The following EPHA5 variants were observed in gnomAD, a reference collection of about 807,000 sequenced individuals.
The protein encoded by EPHA5 is EPH receptor A5.
A neutral mutation model predicts 105.0 loss-of-function variants in EPHA5; 60 were observed. That is an observed-to-expected ratio of 0.57 (90% CI 0.46 to 0.71). The LOEUF (loss-of-function observed/expected upper bound fraction) is 0.71. EPHA5 is among the 30% of genes least tolerant of loss of function. EPHA5 has a pLI of 0.00. For synonymous variants in EPHA5, 513 were observed against 449.1 expected, an observed-to-expected ratio of 1.14 and a Z score of -1.80; for missense variants, 1,218 against 1,274.7, an observed-to-expected ratio of 0.96 and a Z score of 0.68.
At chr4:65,626,726 A>G (rs919180522) in intron 2 of EPHA5, among the ~76,000 whole-genome samples, 10 of 151,858 alleles carry the variant, frequency 6.6e-5, no homozygotes, top group African/African-American at 2.4e-4. Flanking sequence ...ATTTAGAGGA[A>G]ACACATTTTT....
intron 3 of EPHA5, among the ~76,000 whole-genome samples, chr4:65,523,551 T>TGCATG: frequency 6.6e-6 from 1 of 152,036 alleles, no homozygotes; most frequent in Non-Finnish European, 1.5e-5. Flanking sequence ...TGAAAAACTT[T>TGCATG]TTATAACCAA....
At chr4:65,487,363 C>T (rs28770901) in intron 5 of EPHA5, among the ~76,000 whole-genome samples, 23,377 of 152,086 alleles carry the variant, frequency 0.15, 2,315 homozygotes, top group East Asian at 0.41. Flanking sequence ...GATACTAACT[C>T]CTATCTGAAA....
chr4:65,525,564 A>G (rs190956118), intron 3 of EPHA5, among the ~76,000 whole-genome samples: 31 of 152,014 alleles, frequency 2.0e-4, no homozygotes, highest in Non-Finnish European at 3.7e-4. Flanking sequence ...CATTGGAACC[A>G]TTGGAAAGCT....
Position 65,621,253 on chromosome 4 carries a change from C to T in EPHA5, c.247-18949G>A, listed in dbSNP as rs141445723. On this transcript the variant is annotated intron_variant, in intron 2 of 16. Transcript: ENST00000613740. ...AAATTGCCTCATTCTTTACATATGC[C>T]TGTTTTGACAATATGCACCAGCTGG... 4.4e-4 allele frequency among the ~76,000 whole-genome samples: 67 copies of T among 152,210 alleles called. 1 individual carries two copies. The highest frequency in any genetic ancestry group is 1.6e-3 in the African/African-American group (66 of 41,522).
Position 65,582,096 on chromosome 4 carries a change from T to C in EPHA5, c.910+19545A>G, listed in dbSNP as rs569839636. Among the ~76,000 whole-genome samples the C allele has an allele frequency of 1.6e-3, 236 of 151,760 alleles. 1 individual carries two copies. The highest frequency in any genetic ancestry group is 5.5e-3 in the African/African-American group (227 of 41,506). ...CTCAGGAGCTGGGTTGCATTAAACA[T>C]GTCTGGATATTTTAGGAAAAAATAA... On this transcript the variant is annotated intron_variant, in intron 3 of 16. Transcript: ENST00000613740.
chr4:65,373,081 AT>A (rs1391526512), intron 8 of EPHA5, among the ~76,000 whole-genome samples: 2 of 151,932 alleles, frequency 1.3e-5, no homozygotes, highest in Non-Finnish European at 2.9e-5. Context: ...TTTTATTCTA[AT>A]GCTAGAGTAC....
At chr4:65,574,537 C>A in intron 3 of EPHA5, among the ~76,000 whole-genome samples, 1 of 145,778 alleles carries the variant, frequency 6.9e-6, no homozygotes, top group Non-Finnish European at 1.5e-5. Context: ...GTCTAAATGT[C>A]CAATACTGGA....
At chr4:65,591,502 A>T (rs1236884889) in intron 3 of EPHA5, among the ~76,000 whole-genome samples, 2 of 151,912 alleles carry the variant, frequency 1.3e-5, no homozygotes, top group Admixed American at 6.6e-5. Flanking sequence ...TTTCATACTC[A>T]TTTCTCAGAA....
intron 3 of EPHA5, among the ~76,000 whole-genome samples, chr4:65,567,019 A>G (rs1177574388): frequency 6.6e-6 from 1 of 151,666 alleles, no homozygotes; most frequent in East Asian, 1.9e-4. Context: ...ACACACCCAT[A>G]TACAAACACT....
chr4:65,638,717 C>A (rs994873704), intron 2 of EPHA5, among the ~76,000 whole-genome samples: 1 of 152,142 alleles, frequency 6.6e-6, no homozygotes, highest in African/African-American at 2.4e-5. Flanking sequence ...CCAGCCTGGG[C>A]AACAAGAGTG....
chr4:65,434,975 G>A (rs1363076304), intron 5 of EPHA5, among the ~76,000 whole-genome samples: 2 of 152,016 alleles, frequency 1.3e-5, no homozygotes, highest in Non-Finnish European at 2.9e-5. Flanking sequence ...AGTATACATA[G>A]GAGACACCAC....
At position 65,476,125 on chromosome 4, in the gene EPHA5, A is replaced by AGTGTGTGT. The variant is rs1472563369; in HGVS notation, c.1402+14251_1402+14252insACACACAC. On this transcript the variant is annotated intron_variant, in intron 5 of 16. Coordinates refer to ENST00000613740, the MANE Select transcript of EPHA5 (RefSeq NM_001281766.3). Reference sequence around the variant, plus strand: ...GAGAGAGAGAGAGAGAGAGAGAGAGAGAGTGTGTGTGTGTGTGTGTGTGTG... The same window carrying AGTGTGTGT: ...GAGAGAGAGAGAGAGAGAGAGAGAGAGTGTGTGTGAGTGTGTGTGTGTGTGTGTGTGTG... 8.1e-3 allele frequency among the ~76,000 whole-genome samples: 1,070 copies of AGTGTGTGT among 132,228 alleles called. 3 individuals carry two copies. Among genetic ancestry groups the AGTGTGTGT allele is most frequent in the African/African-American group, 0.016 (547 of 34,094 alleles). The allele number at this position is 132,228 out of a possible 152,430, so 86.7% of individuals were successfully genotyped here. A position where few individuals can be genotyped will look rare whatever the true frequency, so the allele number is the denominator to read the frequency against.
intron 2 of EPHA5, among the ~76,000 whole-genome samples, chr4:65,618,878 G>A (rs1212932206): frequency 6.6e-6 from 1 of 152,172 alleles, no homozygotes; most frequent in African/African-American, 2.4e-5. Flanking sequence ...TAATTGGTTG[G>A]GCGCGGTGGC....
intron 1 of EPHA5, among the ~76,000 whole-genome samples, chr4:65,651,382 C>G (rs1748595843): frequency 6.6e-6 from 1 of 152,174 alleles, no homozygotes; most frequent in African/African-American, 2.4e-5. Context: ...AAGAGGAAGA[C>G]ATACTAACTG....
At chr4:65,368,913 T>G (rs1180045701) in intron 8 of EPHA5, among the ~76,000 whole-genome samples, 1 of 152,170 alleles carries the variant, frequency 6.6e-6, no homozygotes, top group Non-Finnish European at 1.5e-5. Context: ...ACTGTCAAAG[T>G]TCAGTTCCAT....
rs1027830771 is a variant in EPHA5 at position 65,393,195 on chromosome 4, C to A, written c.1793+11179G>T. Among the ~76,000 whole-genome samples, 3 of 152,122 alleles carry A rather than the reference C, an allele frequency of 2.0e-5. No individual in the cohort carries two copies. The East Asian group carries it at 5.8e-4, about 29-fold the overall frequency. On this transcript the variant is annotated intron_variant, in intron 8 of 16. Transcript: ENST00000613740. ...GAAAAAGAGTGTAGAGTGAGAGATTCTCTTTCCTCATTCTCAGTCCACGTG... is the reference window on the plus strand; with the variant it reads ...GAAAAAGAGTGTAGAGTGAGAGATTATCTTTCCTCATTCTCAGTCCACGTG...
intron 5 of EPHA5, among the ~76,000 whole-genome samples, chr4:65,471,536 C>T (rs184996234): frequency 6.6e-6 from 1 of 152,228 alleles, no homozygotes; most frequent in Non-Finnish European, 1.5e-5. Context: ...CTACCTGAGA[C>T]TGGGTGATTC....
At chr4:65,331,923 A>AT (rs1287213142) in intron 16 of EPHA5, 50 bp downstream of exon 16, 2 of 1,557,914 alleles carry the variant, frequency 1.3e-6, no homozygotes, top group Non-Finnish European at 1.7e-6. Flanking sequence ...TTTTTGAACA[A>AT]TTTTTCTTGC....
At chr4:65,517,207 G>C (rs1174418457) in intron 3 of EPHA5, among the ~76,000 whole-genome samples, 2 of 151,602 alleles carry the variant, frequency 1.3e-5, no homozygotes. Context: ...TTATCACTTT[G>C]AAACATAATA....
Sources: gnomAD v4.1 joint callset for allele counts (sites outside exome capture counted in the v4.1 genomes callset) on GRCh38, gnomAD v4.1.1 for gene constraint, MANE v1.5 for transcripts, NCBI Gene and HGNC (gene_info 2026-07-23, HGNC 2026-07-21) for gene names.